Variants in SNX29 observed in about 807,000 individuals in gnomAD.
SNX29 encodes the protein sorting nexin 29, also known as sorting nexin-29.
SNX29 carries 78 observed loss-of-function variants against 102.1 expected under a neutral mutation model. The observed-to-expected ratio is 0.76, with a 90% CI of 0.64 to 0.92. SNX29 has a LOEUF of 0.92. Ranked by LOEUF, SNX29 falls within the 40% of genes least tolerant of loss-of-function variation. The pLI, the probability that SNX29 is intolerant of heterozygous loss-of-function variation, is 0.00. For synonymous variants in SNX29, 580 were observed against 414.5 expected (o/e 1.40, Z -4.85); for missense variants, 1,280 against 1,061.7 (o/e 1.21, Z -2.86).
At chr16:11,990,569 G>T (rs182143222) in intron 1 of SNX29, among the ~76,000 whole-genome samples, 1 of 152,078 alleles carries the variant, frequency 6.6e-6, no homozygotes, top group African/African-American at 2.4e-5. Flanking sequence ...GTGGATTTTG[G>T]GGGGTGGGAT....
chr16:12,374,107 C>T (rs567413125), intron 16 of SNX29, among the ~76,000 whole-genome samples: 242 of 152,326 alleles, frequency 1.6e-3, no homozygotes, highest in African/African-American at 5.5e-3. Context: ...TCTGGAATAC[C>T]ACTTCTCCCC....
intron 11 of SNX29, among the ~76,000 whole-genome samples, chr16:12,105,191 TCCTTCCTCCCTTCCTCCCTCCCTC>T (rs1567210074): frequency 6.7e-6 from 1 of 149,188 alleles, no homozygotes; most frequent in Non-Finnish European, 1.5e-5. Flanking sequence ...TTTATTTCCT[TCCTTCCTCCCTTCCTCCCTCCCTC>T]CCTCCCTCCC....
chr16:12,555,260 C>T (rs1412551007), intron 20 of SNX29, among the ~76,000 whole-genome samples: 1 of 151,190 alleles, frequency 6.6e-6, no homozygotes, highest in Non-Finnish European at 1.5e-5. Flanking sequence ...GGTGCTCAAA[C>T]CCAGGGTATG....
chr16:12,046,072 T>G (rs756215843), intron 5 of SNX29, among the ~76,000 whole-genome samples: 9 of 152,232 alleles, frequency 5.9e-5, no homozygotes, highest in Non-Finnish European at 1.3e-4. Context: ...GGACGTTGCT[T>G]GAGTGGAAGT....
chr16:12,387,986 T>C (rs1172917440), intron 16 of SNX29, among the ~76,000 whole-genome samples: 1 of 152,204 alleles, frequency 6.6e-6, no homozygotes, highest in African/African-American at 2.4e-5. Context: ...TCCACAGATT[T>C]CATCATTGTG....
At chr16:12,533,464 C>G (rs557240768) in intron 20 of SNX29, among the ~76,000 whole-genome samples, 3 of 152,332 alleles carry the variant, frequency 2.0e-5, no homozygotes, top group South Asian at 4.1e-4. Flanking sequence ...CCTCCCCACC[C>G]CCATCCCCAG....
intron 19 of SNX29, among the ~76,000 whole-genome samples, chr16:12,516,242 G>T (rs749121933): frequency 6.6e-6 from 1 of 152,164 alleles, no homozygotes; most frequent in Non-Finnish European, 1.5e-5. Flanking sequence ...CACTCTAGGA[G>T]GCTGAGGAGG....
At chr16:12,188,743 C>G (rs1197734109) in intron 13 of SNX29, among the ~76,000 whole-genome samples, 1 of 152,116 alleles carries the variant, frequency 6.6e-6, no homozygotes, top group African/African-American at 2.4e-5. Flanking sequence ...AAGCTTTTTA[C>G]AGCTCCATTT....
intron 1 of SNX29, among the ~76,000 whole-genome samples, chr16:11,987,581 A>C (rs1336621650): frequency 6.6e-6 from 1 of 151,700 alleles, no homozygotes. Flanking sequence ...ATTATTAGTA[A>C]AGACGGGGTT....
intron 20 of SNX29, among the ~76,000 whole-genome samples, chr16:12,544,587 C>G (rs1347863024): frequency 6.6e-6 from 1 of 152,204 alleles, no homozygotes; most frequent in Non-Finnish European, 1.5e-5. Flanking sequence ...GCAGGCATTT[C>G]TTAATGAGTT....
At chr16:12,152,236 G>A (rs1299402945) in intron 13 of SNX29, among the ~76,000 whole-genome samples, 1 of 151,934 alleles carries the variant, frequency 6.6e-6, no homozygotes, top group African/African-American at 2.4e-5. Context: ...AAAAATGCAT[G>A]CAATAATACA....
intron 20 of SNX29, among the ~76,000 whole-genome samples, chr16:12,548,585 C>G (rs1022337315): frequency 1.3e-5 from 2 of 152,140 alleles, no homozygotes; most frequent in Non-Finnish European, 2.9e-5. Flanking sequence ...CCTGTAAGTC[C>G]CACTCCAGGC....
intron 12 of SNX29, among the ~76,000 whole-genome samples, chr16:12,126,916 C>A (rs1016810733): frequency 1.8e-4 from 28 of 152,178 alleles, no homozygotes; most frequent in Non-Finnish European, 1.5e-5. Flanking sequence ...ATGATAATGG[C>A]ACCTTCATAG....
At chr16:12,094,616 C>T (rs549584288) in intron 11 of SNX29, among the ~76,000 whole-genome samples, 1 of 152,230 alleles carries the variant, frequency 6.6e-6, no homozygotes, top group South Asian at 2.1e-4. Flanking sequence ...TTGCAACCCC[C>T]AGGGGACATT....
intron 16 of SNX29, among the ~76,000 whole-genome samples, chr16:12,361,286 C>T (rs1202913478): frequency 4.6e-5 from 7 of 152,186 alleles, no homozygotes; most frequent in Non-Finnish European, 7.3e-5. Context: ...AGTGGGCAGT[C>T]AGGAACCAGG....
At chr16:12,449,759 C>T (rs564609780) in intron 18 of SNX29, among the ~76,000 whole-genome samples, 1 of 152,326 alleles carries the variant, frequency 6.6e-6, no homozygotes, top group East Asian at 1.9e-4. Context: ...CCCTTCTCTT[C>T]CTTGCAACTC....
intron 18 of SNX29, among the ~76,000 whole-genome samples, chr16:12,451,115 G>C (rs945685276): frequency 6.6e-6 from 1 of 152,198 alleles, no homozygotes; most frequent in Non-Finnish European, 1.5e-5. Context: ...AAGAGCCGCA[G>C]AGGTACTTAC....
intron 3 of SNX29, among the ~76,000 whole-genome samples, chr16:12,021,839 C>T (rs2057031866): frequency 6.6e-6 from 1 of 150,794 alleles, no homozygotes; most frequent in Non-Finnish European, 1.5e-5. Context: ...TACAGTGAGC[C>T]GAGATCACGT....
intron 11 of SNX29, among the ~76,000 whole-genome samples, chr16:12,091,014 C>CAAA (rs58933500): frequency 9.4e-3 from 491 of 51,996 alleles, no homozygotes; most frequent in East Asian, 0.012. Flanking sequence ...GACTTCATCT[C>CAAA]AAAAAAAAAA....
Sources: gnomAD v4.1 joint callset for allele counts (sites outside exome capture counted in the v4.1 genomes callset) on GRCh38, gnomAD v4.1.1 for gene constraint, MANE v1.5 for transcripts, NCBI Gene and HGNC (gene_info 2026-07-23, HGNC 2026-07-21) for gene names.